Variants in IL4R observed in about 807,000 individuals in gnomAD.
IL4R encodes the protein interleukin 4 receptor, also known as interleukin-4 receptor subunit alpha.
IL4R carries 17 observed loss-of-function variants against 41.5 expected under a neutral mutation model. The ratio of observed to expected loss-of-function variants is 0.41; its 90% CI spans 0.28 to 0.61. IL4R has a LOEUF of 0.61. Among genes scored for constraint, IL4R ranks in the 20% least tolerant of loss-of-function variants. The pLI, the probability that IL4R is intolerant of heterozygous loss-of-function variation, is 0.31. For missense variants in IL4R, 974 were observed against 1,043.1 expected (o/e 0.93, Z 0.91); for synonymous variants, 402 against 422.9 (o/e 0.95, Z 0.61).
rs71785428 is a variant in IL4R, at chr16:27,318,307, ATGTC to A, written c.-152+4290_-152+4293del. Among the ~76,000 whole-genome samples the A allele has an allele frequency of 5.9e-3, 898 of 152,224 alleles. 10 individuals are homozygous for A. The highest frequency in any genetic ancestry group is 0.021 in the African/African-American group (854 of 41,524). ...CCTGAGTCATCCTGAATTCTGAACT[ATGTC>A]TGGCCCCCAGGATTTTACAGGAGAG... On this transcript the variant is annotated intron_variant, in intron 1 of 10. Transcript: ENST00000395762.
chr16:27,363,727 C>T lies in IL4R; in HGVS notation c.2375C>T (p.Ser792Leu). 1.2e-6 allele frequency: 2 copies of T among 1,613,746 alleles called. No homozygotes were observed. Among genetic ancestry groups the T allele is most frequent in the Non-Finnish European group, 1.7e-6 (2 of 1,180,020 alleles). Residue 792 changes from serine (S) to leucine (L), a missense_variant, in exon 11 of 11, where the codon TCA (serine) becomes TTA (leucine). By Grantham distance (145) the Ser-to-Leu change is moderately radical. Transcript: ENST00000395762. ...PSGISEKSKS[S>L]SSFHPAPGNA... ...GGCATCTCAGAGAAGAGTAAATCCT[C>T]ATCATCCTTCCATCCTGCCCCTGGC...
intron 3 of IL4R, among the ~76,000 whole-genome samples, chr16:27,340,795 G>A (rs2085417459): frequency 6.6e-6 from 1 of 152,200 alleles, no homozygotes. Flanking sequence ...GTGGAGTGGG[G>A]GGGATTGCAG....
Position 27,363,419 on chromosome 16 carries a change from G to A in IL4R, c.2067G>A (p.Met689Ile), listed in dbSNP as rs776145973. The stretch of plus-strand genomic sequence containing the variant: ...AGCCGGGGGAAAAGGTAGAGGACAT[G>A]CCAAAGCCCCCACTTCCCCAGGAGC... ...GLEPGEKVED[M>I]PKPPLPQEQA... The change falls in exon 11 of 11, where the codon ATG becomes ATA. Residue 689 changes from methionine to isoleucine, a missense_variant. Around this residue, in one of 3 missense-constraint regions of IL4R, gnomAD observed 682 missense variants for 704.3 expected, o/e 0.97. Transcript: ENST00000395762. 3.7e-6 allele frequency: 6 copies of A among 1,614,136 alleles called. No individual in the cohort carries two copies. The highest frequency in any genetic ancestry group is 3.3e-5 in the Admixed American group (2 of 60,030).
chr16:27,319,231 G>A (rs1021196236), intron 1 of IL4R, among the ~76,000 whole-genome samples: 5 of 152,208 alleles, frequency 3.3e-5, no homozygotes, highest in African/African-American at 9.7e-5. Context: ...TAGGAGCAGA[G>A]GTCAGGGAGG....
chr16:27,322,821 A>G (rs1000217383), intron 1 of IL4R, among the ~76,000 whole-genome samples: 5 of 152,210 alleles, frequency 3.3e-5, no homozygotes, highest in Admixed American at 6.5e-5. Flanking sequence ...AATAAGCCAG[A>G]TGAGTTAAAA....
chr16:27,349,318 T>C (rs991234365), intron 6 of IL4R, among the ~76,000 whole-genome samples: 1 of 152,246 alleles, frequency 6.6e-6, no homozygotes, highest in Non-Finnish European at 1.5e-5. Context: ...AGGCACCAAC[T>C]GTGGCTCATA....
intron 10 of IL4R, among the ~76,000 whole-genome samples, chr16:27,361,693 C>T (rs1255793911): frequency 2.0e-5 from 3 of 147,840 alleles, no homozygotes; most frequent in Non-Finnish European, 4.5e-5. Context: ...CAGCCTCAAA[C>T]TCGTGGGCTC....
rs569994661 is a variant in IL4R, at chr16:27,333,128, T to C, written c.-19+2930T>C. ...TTATTCCACATGAACCTGAGGAGAA[T>C]GTATATTCTGCTGTTGTGAGATGTA... is the stretch of plus-strand genomic sequence containing the variant. On this transcript the variant is annotated intron_variant, in intron 2 of 10. Transcript: ENST00000395762. Among the ~76,000 whole-genome samples, 310 of 152,192 alleles carry C rather than the reference T, an allele frequency of 2.0e-3. 7 individuals carry two copies. Among genetic ancestry groups the C allele is most frequent in the Non-Finnish European group, 3.0e-3 (207 of 67,988 alleles).
intron 6 of IL4R, among the ~76,000 whole-genome samples, chr16:27,352,095 T>C (rs1206465067): frequency 6.6e-6 from 1 of 152,180 alleles, no homozygotes; most frequent in Non-Finnish European, 1.5e-5. Flanking sequence ...CTATTTGAAA[T>C]ACTTACGTAT....
At chr16:27,322,093 T>C (rs2084827992) in intron 1 of IL4R, among the ~76,000 whole-genome samples, 1 of 134,302 alleles carries the variant, frequency 7.4e-6, no homozygotes, top group Non-Finnish European at 1.6e-5. Context: ...ATTTGTTATG[T>C]CACTATGTGG....
chr16:27,348,269 A>G (rs1461760556), intron 6 of IL4R, among the ~76,000 whole-genome samples: 1 of 152,016 alleles, frequency 6.6e-6, no homozygotes, highest in African/African-American at 2.4e-5. Context: ...GCATGGGGGG[A>G]AGGAGTGCAC....
chr16:27,320,516 C>A (rs1054289988), intron 1 of IL4R, among the ~76,000 whole-genome samples: 1 of 152,140 alleles, frequency 6.6e-6, no homozygotes, highest in Non-Finnish European at 1.5e-5. Flanking sequence ...AGGCTAGAGA[C>A]TTACCTGGGT....
chr16:27,344,748 C>T, intron 4 of IL4R, 121 bp from the exon 5 acceptor site: 1 of 1,061,508 alleles, frequency 9.4e-7, no homozygotes, highest in Non-Finnish European at 1.4e-6. Flanking sequence ...GATCTGTCCT[C>T]ACATCCGTGA....
At chr16:27,340,862 C>G (rs1287491309) in intron 3 of IL4R, among the ~76,000 whole-genome samples, 1 of 152,186 alleles carries the variant, frequency 6.6e-6, no homozygotes, top group African/African-American at 2.4e-5. Flanking sequence ...GAAGCGGGAA[C>G]CGTGCAGATG....
At chr16:27,347,689 T>C (rs2085700817) in intron 6 of IL4R, among the ~76,000 whole-genome samples, 1 of 152,142 alleles carries the variant, frequency 6.6e-6, no homozygotes, top group South Asian at 2.1e-4. Context: ...CACATTCCCA[T>C]TGGAGGGACA....
chr16:27,355,927 C>G lies in IL4R; in HGVS notation c.770+20C>G. On this transcript the variant is annotated intron_variant, in intron 8 of 10. Transcript: ENST00000395762. The stretch of plus-strand genomic sequence containing the variant: ...CACCAAGTGAGTCCTGGGCCCAGTG[C>G]TGCCGAGCAGTCCCTCTGGAGTGCA... 1 of 1,570,284 alleles carries G rather than the reference C, an allele frequency of 6.4e-7. No homozygotes were observed. Among genetic ancestry groups the G allele is most frequent in the Non-Finnish European group, 8.8e-7 (1 of 1,141,942 alleles).
chr16:27,320,564 C>T (rs895848746), intron 1 of IL4R, among the ~76,000 whole-genome samples: 4 of 152,166 alleles, frequency 2.6e-5, no homozygotes, highest in Non-Finnish European at 5.9e-5. Context: ...GATTCAAACC[C>T]AGGGCTACAG....
chr16:27,346,228 AAAG>A (rs1307530693), intron 5 of IL4R, among the ~76,000 whole-genome samples: 2 of 152,240 alleles, frequency 1.3e-5, no homozygotes, highest in Admixed American at 6.5e-5. Flanking sequence ...CTGTCTCAAA[AAAG>A]AAGAAAAAAA....
rs138016714 is a variant in IL4R, at chr16:27,363,339, C to T, written c.1987C>T (p.Arg663Cys). ...CTTTGGACTGGACAGGGAGCCACCTCGCAGTCCGCAGAGCTCACATCTCCC... is the reference window on the plus strand; with the variant it reads ...CTTTGGACTGGACAGGGAGCCACCTTGCAGTCCGCAGAGCTCACATCTCCC... The part of the protein sequence containing the change: ...FTFGLDREPP[R>C]SPQSSHLPSS... Residue 663 changes from arginine to cysteine, a missense_variant, in exon 11 of 11, where the codon CGC becomes TGC. Transcript: ENST00000395762. 2.1e-5 allele frequency: 34 copies of T among 1,613,634 alleles called. No individual in the cohort carries two copies. The highest frequency in any genetic ancestry group is 1.3e-4 in the African/African-American group (10 of 74,912).
Sources: gnomAD v4.1 joint callset for allele counts (sites outside exome capture counted in the v4.1 genomes callset) on GRCh38, gnomAD v4.1.1 for gene constraint, gnomAD v4.1.1 regional missense constraint, MANE v1.5 for transcripts, NCBI Gene and HGNC (gene_info 2026-07-23, HGNC 2026-07-21) for gene names.